DOK6: variants seen among roughly 807,000 people sequenced by gnomAD.
DOK6 encodes the protein downstream of tyrosine kinase 6.
Under a neutral mutation model 44.0 loss-of-function variants are expected in DOK6, and 22 were observed. The observed-to-expected ratio is 0.50, with a 90% CI of 0.36 to 0.71. The LOEUF (loss-of-function observed/expected upper bound fraction) is 0.71. Among genes scored for constraint, DOK6 ranks in the 30% least tolerant of loss-of-function variants. The probability of loss-of-function intolerance (pLI) is 0.00; values close to 1 mark genes in which losing one functional copy is unlikely to be tolerated. For synonymous variants in DOK6, 166 were observed against 145.5 expected (o/e 1.14, Z -1.01); for missense variants, 340 against 416.4 (o/e 0.82, Z 1.60).
chr18:69,677,236 A>G (rs993711697), intron 3 of DOK6, among the ~76,000 whole-genome samples: 8 of 152,036 alleles, frequency 5.3e-5, no homozygotes, highest in Admixed American at 5.2e-4. Flanking sequence ...CATTTTTTCA[A>G]CTATTACACT....
At chr18:69,786,938 G>A (rs145287842) in intron 7 of DOK6, among the ~76,000 whole-genome samples, 12 of 152,306 alleles carry the variant, frequency 7.9e-5, no homozygotes, top group East Asian at 5.8e-4. Context: ...TCTGATGGCC[G>A]GGCTTGGTGG....
At chr18:69,603,304 C>T (rs1245919493) in intron 3 of DOK6, among the ~76,000 whole-genome samples, 3 of 152,140 alleles carry the variant, frequency 2.0e-5, no homozygotes, top group Non-Finnish European at 2.9e-5. Context: ...GATTTCATAG[C>T]GCAAAAACCT....
chr18:69,554,184 T>C (rs1982633357), intron 1 of DOK6, among the ~76,000 whole-genome samples: 1 of 152,186 alleles, frequency 6.6e-6, no homozygotes, highest in Admixed American at 6.6e-5. Context: ...ATGGAGAGTT[T>C]AAAGCAAATA....
intron 5 of DOK6, among the ~76,000 whole-genome samples, chr18:69,732,429 T>A (rs966571326): frequency 6.6e-6 from 1 of 152,194 alleles, no homozygotes; most frequent in African/African-American, 2.4e-5. Context: ...ATGACTTACA[T>A]CACATCTTTA....
At chr18:69,579,105 T>C (rs926509194) in intron 2 of DOK6, among the ~76,000 whole-genome samples, 1 of 152,182 alleles carries the variant, frequency 6.6e-6, no homozygotes. Flanking sequence ...TTTGAGACAG[T>C]GAAATTACTT....
At chr18:69,837,570 C>CAAAAAAAAAAAAA in intron 7 of DOK6, among the ~76,000 whole-genome samples, 1 of 136,350 alleles carries the variant, frequency 7.3e-6, no homozygotes, top group Admixed American at 7.0e-5. Flanking sequence ...AGGTGTTCAG[C>CAAAAAAAAAAAAA]AAAAAAAAAA....
At chr18:69,717,457 G>T (rs1248553009) in intron 5 of DOK6, among the ~76,000 whole-genome samples, 1 of 152,088 alleles carries the variant, frequency 6.6e-6, no homozygotes, top group Non-Finnish European at 1.5e-5. Flanking sequence ...GTTTTAATGG[G>T]TTTTATTATT....
At chr18:69,759,921 A>G (rs1979488419) in intron 7 of DOK6, among the ~76,000 whole-genome samples, 1 of 152,186 alleles carries the variant, frequency 6.6e-6, no homozygotes. Flanking sequence ...AATGTATTCA[A>G]CGGAAGTTAC....
chr18:69,784,321 C>T (rs1231368373), intron 7 of DOK6, among the ~76,000 whole-genome samples: 1 of 151,894 alleles, frequency 6.6e-6, no homozygotes, highest in Non-Finnish European at 1.5e-5. Flanking sequence ...AAGTAACAAT[C>T]CCATAATTCT....
At chr18:69,564,765 T>C (rs1982928133) in intron 2 of DOK6, among the ~76,000 whole-genome samples, 171 bp downstream of exon 2, 1 of 152,222 alleles carries the variant, frequency 6.6e-6, no homozygotes. Context: ...CTGTTGTAAA[T>C]GCCAGTGCTA....
At chr18:69,537,510 C>T (rs958530844) in intron 1 of DOK6, among the ~76,000 whole-genome samples, 1 of 152,180 alleles carries the variant, frequency 6.6e-6, no homozygotes, top group African/African-American at 2.4e-5. Context: ...CAGTGGAAAA[C>T]ATTGTTTCAT....
chr18:69,587,397 C>T (rs539638412), intron 2 of DOK6, among the ~76,000 whole-genome samples: 99 of 152,256 alleles, frequency 6.5e-4, no homozygotes, highest in Middle Eastern at 3.4e-3. Context: ...TGTCTCAAAT[C>T]TCCCTCTCCT....
rs574807952 is a variant in DOK6, at chr18:69,806,477, T to C, written c.857-34767T>C. ...CTCAGTGTAATTAATGAGCTTACCC[T>C]GTATGTATTAAGCAGGAAACTAGGA... On this transcript the variant is annotated intron_variant, in intron 7 of 7. Transcript: ENST00000382713. 9.5e-4 allele frequency among the ~76,000 whole-genome samples: 144 copies of C among 152,102 alleles called. 1 individual carries two copies. Among genetic ancestry groups the C allele is most frequent in the Non-Finnish European group, 1.8e-3 (125 of 67,906 alleles).
chr18:69,814,552 G>C (rs901704792), intron 7 of DOK6, among the ~76,000 whole-genome samples: 1 of 152,096 alleles, frequency 6.6e-6, no homozygotes, highest in Admixed American at 6.6e-5. Context: ...AGAACTATCC[G>C]AGACTGGATA....
chr18:69,725,280 T>C (rs1978300431), intron 5 of DOK6, among the ~76,000 whole-genome samples: 1 of 152,108 alleles, frequency 6.6e-6, no homozygotes, highest in Non-Finnish European at 1.5e-5. Flanking sequence ...GCAGAGCGCC[T>C]TGCATGCAAC....
chr18:69,414,116 A>T (rs754322139), intron 1 of DOK6, among the ~76,000 whole-genome samples: 11 of 152,100 alleles, frequency 7.2e-5, no homozygotes, highest in Non-Finnish European at 1.3e-4. Context: ...GAGAAGCTGG[A>T]TAGCTGGGTC....
Position 69,698,566 on chromosome 18 carries a change from C to A in DOK6, c.572C>A (p.Ser191Ter). ...TCACTGAGGAGATACGGTCGGGACT[C>A]AACGTGGTTCACGTTTGAGTCAGGA... ...LSSLRRYGRD[S>*]TWFTFESGRM... is the part of the protein sequence containing the mutation. The change falls in exon 5 of 8, where the codon TCA becomes TAA. Residue 191 changes from serine (S) to a stop codon, truncating the protein, a stop_gained. Coordinates refer to ENST00000382713, the MANE Select transcript of DOK6 (RefSeq NM_152721.6). LOFTEE classifies it high-confidence loss of function. 1 of 1,613,808 alleles carries A rather than the reference C, an allele frequency of 6.2e-7. No homozygotes were observed. Among genetic ancestry groups the A allele is most frequent in the South Asian group, 1.1e-5 (1 of 91,026 alleles).
intron 1 of DOK6, among the ~76,000 whole-genome samples, chr18:69,497,440 A>G (rs564137903): frequency 6.6e-6 from 1 of 152,254 alleles, no homozygotes; most frequent in African/African-American, 2.4e-5. Flanking sequence ...GATCCTTGAA[A>G]AGGGAGAATC....
At chr18:69,523,688 T>G (rs1332306041) in intron 1 of DOK6, among the ~76,000 whole-genome samples, 1 of 152,024 alleles carries the variant, frequency 6.6e-6, no homozygotes, top group Non-Finnish European at 1.5e-5. Context: ...GTTTTTTTCT[T>G]GTCTCTTTGG....
Sources: gnomAD v4.1 joint callset for allele counts (sites outside exome capture counted in the v4.1 genomes callset) on GRCh38, gnomAD v4.1.1 for gene constraint, MANE v1.5 for transcripts, NCBI Gene and HGNC (gene_info 2026-07-23, HGNC 2026-07-21) for gene names.